The following EXOC4 variants were observed in gnomAD, a reference collection of about 807,000 sequenced individuals.
EXOC4 encodes the protein SEC8-like 1.
EXOC4 carries 71 observed loss-of-function variants against 107.2 expected under a neutral mutation model. That is an observed-to-expected ratio of 0.66 (90% confidence interval 0.55 to 0.81). The LOEUF (loss-of-function observed/expected upper bound fraction) is 0.81. Among genes scored for constraint, EXOC4 ranks in the 30% least tolerant of loss-of-function variants. The pLI is 0.00. For missense variants in EXOC4, 1,108 were observed against 1,189.6 expected (o/e 0.93, Z 1.01); for synonymous variants, 456 against 441.2 (o/e 1.03, Z -0.42).
chr7:133,972,554 T>C (rs769814894), intron 14 of EXOC4, among the ~76,000 whole-genome samples: 1 of 152,220 alleles, frequency 6.6e-6, no homozygotes, highest in Non-Finnish European at 1.5e-5. Context: ...ACTTAAAATA[T>C]CAGAATTGCT....
intron 9 of EXOC4, among the ~76,000 whole-genome samples, chr7:133,570,276 G>A (rs575339881): frequency 1.3e-5 from 2 of 152,256 alleles, no homozygotes; most frequent in Admixed American, 1.3e-4. Flanking sequence ...GGACTTGGAG[G>A]TCTTACAGTC....
At chr7:133,477,327 C>T (rs1056342882) in intron 8 of EXOC4, among the ~76,000 whole-genome samples, 64 of 152,310 alleles carry the variant, frequency 4.2e-4, no homozygotes, top group Admixed American at 3.3e-3. Context: ...CTCCACCCTC[C>T]CTAACCCCTG....
intron 14 of EXOC4, among the ~76,000 whole-genome samples, chr7:133,974,615 G>T (rs1793786123): frequency 6.6e-6 from 1 of 152,190 alleles, no homozygotes; most frequent in South Asian, 2.1e-4. Flanking sequence ...ATGGCATTTT[G>T]TTCGTGCCCT....
chr7:133,449,609 C>T (rs1252148236), intron 7 of EXOC4, among the ~76,000 whole-genome samples: 1 of 151,854 alleles, frequency 6.6e-6, no homozygotes, highest in South Asian at 2.1e-4. Flanking sequence ...TTTGTAAGTT[C>T]CTTATTCTAT....
chr7:133,658,526 C>G (rs1334139412), intron 10 of EXOC4, among the ~76,000 whole-genome samples: 1 of 152,214 alleles, frequency 6.6e-6, no homozygotes, highest in East Asian at 1.9e-4. Context: ...ATGATTGCAC[C>G]TAGCCTGTGG....
intron 8 of EXOC4, 51 bp downstream of exon 8, chr7:133,475,524 A>G: frequency 6.6e-7 from 1 of 1,514,300 alleles, no homozygotes; most frequent in South Asian, 1.2e-5. Flanking sequence ...AGACTGAAGT[A>G]AGATGACTTC....
intron 13 of EXOC4, among the ~76,000 whole-genome samples, chr7:133,932,299 G>A (rs1800196265): frequency 6.6e-6 from 1 of 152,198 alleles, no homozygotes; most frequent in Non-Finnish European, 1.5e-5. Context: ...GGGTCTATGT[G>A]GAAGTGATTC....
intron 9 of EXOC4, among the ~76,000 whole-genome samples, chr7:133,492,997 A>G (rs1342259492): frequency 6.6e-6 from 1 of 151,654 alleles, no homozygotes. Context: ...AATTGGGCTT[A>G]CTACCTAGGT....
rs566652207 is a variant in EXOC4, at chr7:133,460,609, A to G, written c.1183-14719A>G. ...TTTTTTTTTGGCAACAAAACTGATA[A>G]AATAGTATTACTTTTTGTTTAACCA... On this transcript the variant is annotated intron_variant, in intron 7 of 17. Coordinates refer to ENST00000253861, the MANE Select transcript of EXOC4 (RefSeq NM_021807.4). Among the ~76,000 whole-genome samples the G allele has an allele frequency of 1.4e-3, 212 of 152,222 alleles. 1 individual carries two copies. Among genetic ancestry groups the G allele is most frequent in the African/African-American group, 3.4e-3 (142 of 41,532 alleles).
chr7:133,511,555 G>A (rs1255257407), intron 9 of EXOC4, among the ~76,000 whole-genome samples: 2 of 152,124 alleles, frequency 1.3e-5, no homozygotes, highest in East Asian at 3.9e-4. Flanking sequence ...GGAGGGCAGA[G>A]AGCTATTCCT....
intron 9 of EXOC4, among the ~76,000 whole-genome samples, chr7:133,498,418 T>C (rs143278507): frequency 0.041 from 6,257 of 152,194 alleles, 443 homozygotes; most frequent in African/African-American, 0.14. Flanking sequence ...ACCCCGTCTC[T>C]ACTAAAAATA....
intron 13 of EXOC4, among the ~76,000 whole-genome samples, chr7:133,933,004 A>G (rs1800216024): frequency 6.6e-6 from 1 of 152,018 alleles, no homozygotes. Context: ...AACCTTTTGT[A>G]ATGTTTCGTT....
chr7:133,743,905 A>G (rs117646843), intron 10 of EXOC4, among the ~76,000 whole-genome samples: 2,821 of 152,262 alleles, frequency 0.019, 37 homozygotes, highest in Admixed American at 0.029. Context: ...TCCTAGGGGA[A>G]GGAGAAAACC....
At chr7:133,598,368 C>A (rs74512028) in intron 9 of EXOC4, among the ~76,000 whole-genome samples, 1 of 152,260 alleles carries the variant, frequency 6.6e-6, no homozygotes, top group East Asian at 1.9e-4. Flanking sequence ...AAAGCTGTGC[C>A]AATATCAGCA....
intron 14 of EXOC4, among the ~76,000 whole-genome samples, chr7:133,957,830 A>G (rs74457376): frequency 6.6e-6 from 1 of 152,244 alleles, no homozygotes; most frequent in African/African-American, 2.4e-5. Context: ...GGGGTTAATT[A>G]GCCATGTTGC....
intron 6 of EXOC4, among the ~76,000 whole-genome samples, chr7:133,360,744 A>G (rs1053529456): frequency 1.3e-5 from 2 of 152,190 alleles, no homozygotes; most frequent in Admixed American, 1.3e-4. Flanking sequence ...TTGCACCTCA[A>G]GTTATAGTGA....
intron 11 of EXOC4, among the ~76,000 whole-genome samples, chr7:133,873,594 G>T (rs140661250): frequency 6.6e-6 from 1 of 152,148 alleles, no homozygotes; most frequent in South Asian, 2.1e-4. Context: ...GTGTTAAAAC[G>T]TCGCCATTAT....
intron 7 of EXOC4, among the ~76,000 whole-genome samples, chr7:133,410,373 T>C (rs373591245): frequency 4.6e-5 from 7 of 152,222 alleles, no homozygotes; most frequent in Admixed American, 6.5e-5. Context: ...TTGAGGAATG[T>C]ATATCTGTGT....
intron 17 of EXOC4, among the ~76,000 whole-genome samples, chr7:134,008,627 T>A (rs1483611953): frequency 6.6e-6 from 1 of 152,076 alleles, no homozygotes; most frequent in East Asian, 1.9e-4. Flanking sequence ...ATCCTTTCTC[T>A]TCTCTAAGTT....
Sources: allele counts gnomAD v4.1 joint callset (sites outside exome capture counted in the v4.1 genomes callset), GRCh38; gene constraint gnomAD v4.1.1; transcripts MANE v1.5; gene names NCBI Gene and HGNC (gene_info 2026-07-23, HGNC 2026-07-21).